The following TENM3 variants were observed in gnomAD, a reference collection of about 807,000 sequenced individuals.
The protein encoded by TENM3 is teneurin transmembrane protein 3, also known as teneurin-3.
In TENM3, 63 loss-of-function variants were observed where a neutral mutation model predicts 255.1. The ratio of observed to expected loss-of-function variants is 0.25; its 90% CI spans 0.20 to 0.30. The LOEUF (loss-of-function observed/expected upper bound fraction) is 0.30. Ranked by LOEUF, TENM3 falls within the 10% of genes least tolerant of loss-of-function variation. The pLI is 1.00. For synonymous variants in TENM3, 1,306 were observed against 1,322.3 expected, an observed-to-expected ratio of 0.99 and a Z score of 0.27; for missense variants, 2,929 against 3,461.1, an observed-to-expected ratio of 0.85 and a Z score of 3.86.
intron 3 of TENM3, among the ~76,000 whole-genome samples, chr4:182,451,391 T>C (rs1580593251): frequency 6.6e-6 from 1 of 152,190 alleles, no homozygotes; most frequent in East Asian, 1.9e-4. Flanking sequence ...ACATTTAAAC[T>C]AAAGCTTTTT....
At chr4:181,661,486 T>C in the TENM3 span, among the ~76,000 whole-genome samples, 2 of 152,148 alleles carry the variant, frequency 1.3e-5, no homozygotes, top group African/African-American at 4.8e-5. Flanking sequence ...GCTGTTTTGG[T>C]AAAATGTTTG....
Position 182,729,128 on chromosome 4 carries a change from T to C in TENM3, c.2532T>C (p.Leu844=). The C allele has an allele frequency of 6.2e-7, 1 of 1,613,982 alleles. No individual in the cohort carries two copies. The highest frequency in any genetic ancestry group is 2.2e-5 in the East Asian group (1 of 44,874). ...CCTTTTATGATCGAATCAGTTTCCT[T>C]ATAGGATCTGATAGCACCCATGTTA... ...AKSFYDRISF[L]IGSDSTHVIP... The change falls in exon 14 of 28, where the codon CTT becomes CTC. Residue 844 remains leucine, a synonymous_variant. Coordinates refer to ENST00000511685, the MANE Select transcript of TENM3 (RefSeq NM_001080477.4).
At chr4:181,969,884 T>G in the TENM3 span, among the ~76,000 whole-genome samples, 9 of 152,374 alleles carry the variant, frequency 5.9e-5, no homozygotes, top group Middle Eastern at 3.4e-3. Context: ...TTTAATTCGT[T>G]AACGTGTTAA....
chr4:181,632,246 A>G, the TENM3 span, among the ~76,000 whole-genome samples: 1 of 152,252 alleles, frequency 6.6e-6, no homozygotes, highest in South Asian at 2.1e-4. Context: ...GAAGTGCCAC[A>G]CTTTTAAACC....
the TENM3 span, among the ~76,000 whole-genome samples, chr4:181,645,597 G>A: frequency 1.3e-5 from 2 of 152,096 alleles, no homozygotes; most frequent in African/African-American, 2.4e-5. Context: ...ATATGAGAGG[G>A]GGAGTGATGG....
chr4:182,280,540 T>A (rs1760315303), intron 1 of TENM3, among the ~76,000 whole-genome samples: 1 of 152,198 alleles, frequency 6.6e-6, no homozygotes, highest in Non-Finnish European at 1.5e-5. Context: ...GAAAATCTAT[T>A]CTTACTAAGT....
the TENM3 span, among the ~76,000 whole-genome samples, chr4:181,934,162 G>A: frequency 6.6e-6 from 1 of 152,028 alleles, no homozygotes; most frequent in Admixed American, 6.6e-5. Flanking sequence ...TAATGGACCT[G>A]ATAGAGGGTA....
At chr4:182,761,112 T>C (rs1306095650) in intron 22 of TENM3, among the ~76,000 whole-genome samples, 1 of 152,142 alleles carries the variant, frequency 6.6e-6, no homozygotes, top group Non-Finnish European at 1.5e-5. Context: ...TCGCTTCTAA[T>C]GTTAGAAGAA....
chr4:181,560,953 CTTAA>C, the TENM3 span, among the ~76,000 whole-genome samples: 1 of 152,020 alleles, frequency 6.6e-6, no homozygotes, highest in Admixed American at 6.6e-5. Context: ...ATTTTTATCC[CTTAA>C]TTTTTATTTT....
the TENM3 span, among the ~76,000 whole-genome samples, chr4:181,635,402 G>C: frequency 2.6e-5 from 4 of 152,176 alleles, no homozygotes. Flanking sequence ...AGTTTCCATC[G>C]AATGATCAAG....
At chr4:181,771,111 C>T in the TENM3 span, among the ~76,000 whole-genome samples, 2 of 152,182 alleles carry the variant, frequency 1.3e-5, no homozygotes, top group Non-Finnish European at 2.9e-5. Flanking sequence ...TATGGATTCA[C>T]CTGGTAGAAT....
intron 3 of TENM3, among the ~76,000 whole-genome samples, chr4:182,445,511 C>T (rs1772844051): frequency 6.6e-6 from 1 of 152,062 alleles, no homozygotes; most frequent in Admixed American, 6.6e-5. Flanking sequence ...TTCGATTTTT[C>T]TTCAAGGTTT....
At chr4:181,960,280 T>C in the TENM3 span, among the ~76,000 whole-genome samples, 1 of 152,240 alleles carries the variant, frequency 6.6e-6, no homozygotes, top group African/African-American at 2.4e-5. Context: ...GTAGGCTGTT[T>C]TGCCTTATAC....
chr4:181,855,362 T>C, the TENM3 span, among the ~76,000 whole-genome samples: 1 of 152,214 alleles, frequency 6.6e-6, no homozygotes, highest in Non-Finnish European at 1.5e-5. Flanking sequence ...AAGTTTAAGA[T>C]TGGCATGTAC....
Position 182,720,766 on chromosome 4 carries a change from C to CTTTTTTTTTTT in TENM3, c.2368+6541_2368+6551dup, listed in dbSNP as rs11369655. Among the ~76,000 whole-genome samples, 370 of 129,718 alleles carry CTTTTTTTTTTT rather than the reference C, an allele frequency of 2.9e-3. 3 individuals are homozygous for CTTTTTTTTTTT. Among genetic ancestry groups the CTTTTTTTTTTT allele is most frequent in the Non-Finnish European group, 4.3e-3 (264 of 60,936 alleles). The allele number at this position is 129,718 out of a possible 152,430, so 85.1% of individuals were successfully genotyped here. A position where few individuals can be genotyped will look rare whatever the true frequency, so the allele number is the denominator to read the frequency against. ...CGGGTTGGTACTAAAAGTCTCCCCTCTTTTTTTTTTTTTTTTTTGAGACAG... is the reference window on the plus strand; with the variant it reads ...CGGGTTGGTACTAAAAGTCTCCCCTCTTTTTTTTTTTTTTTTTTTTTTTTTTTTTGAGACAG... On this transcript the variant is annotated intron_variant, in intron 13 of 27. Transcript: ENST00000511685.
chr4:181,888,562 A>G, the TENM3 span, among the ~76,000 whole-genome samples: 3 of 89,026 alleles, frequency 3.4e-5, no homozygotes, highest in African/African-American at 8.6e-5. Flanking sequence ...ATATATATAC[A>G]TATATGTATA....
intron 3 of TENM3, among the ~76,000 whole-genome samples, chr4:182,480,512 C>T (rs1453485056): frequency 2.0e-5 from 3 of 151,894 alleles, no homozygotes; most frequent in Non-Finnish European, 2.9e-5. Context: ...TTTAAGTTTG[C>T]TTGTAGGCCT....
the TENM3 span, among the ~76,000 whole-genome samples, chr4:181,913,972 A>G: frequency 6.6e-6 from 1 of 152,224 alleles, no homozygotes; most frequent in Non-Finnish European, 1.5e-5. Context: ...AATGGAGAAG[A>G]TGGTAGTAGA....
chr4:182,303,412 G>A (rs1257523689), intron 1 of TENM3, among the ~76,000 whole-genome samples: 2 of 152,134 alleles, frequency 1.3e-5, no homozygotes, highest in Admixed American at 6.5e-5. Context: ...TATGACATAA[G>A]AGTCATATTT....
Sources: gnomAD v4.1 joint callset for allele counts (sites outside exome capture counted in the v4.1 genomes callset) on GRCh38, gnomAD v4.1.1 for gene constraint, MANE v1.5 for transcripts, NCBI Gene and HGNC (gene_info 2026-07-23, HGNC 2026-07-21) for gene names.